CDK15: variants seen among roughly 807,000 people sequenced by gnomAD.
CDK15 encodes cyclin-dependent kinase 15.
CDK15 carries 62 observed loss-of-function variants against 60.3 expected under a neutral mutation model. That is an observed-to-expected ratio of 1.03 (90% CI 0.84 to 1.27). The LOEUF (loss-of-function observed/expected upper bound fraction) is 1.27. Among genes scored for constraint, CDK15 ranks in the 50% most tolerant of loss-of-function variants. CDK15 has a pLI of 0.00. For missense variants in CDK15, 541 were observed against 527.8 expected (o/e 1.03, Z -0.25); for synonymous variants, 194 against 195.7 (o/e 0.99, Z 0.07).
At chr2:201,823,586 C>A in intron 5 of CDK15, 79 bp from the exon 6 acceptor site, 3 of 1,246,610 alleles carry the variant, frequency 2.4e-6, no homozygotes, top group South Asian at 2.4e-5. Context: ...TTCTGACAGT[C>A]AAGTCAATGT....
intron 10 of CDK15, among the ~76,000 whole-genome samples, chr2:201,866,767 A>G (rs1698647716): frequency 6.6e-6 from 1 of 152,206 alleles, no homozygotes; most frequent in East Asian, 1.9e-4. Context: ...GATCACTCAC[A>G]GCTTACCTAC....
chr2:201,878,950 A>G (rs767413819), intron 11 of CDK15, among the ~76,000 whole-genome samples: 4 of 152,202 alleles, frequency 2.6e-5, no homozygotes, highest in African/African-American at 9.6e-5. Context: ...CAGTCAGACC[A>G]TAGGATTCTT....
chr2:201,814,399 T>A (rs1280907085), intron 4 of CDK15, among the ~76,000 whole-genome samples: 2 of 152,220 alleles, frequency 1.3e-5, no homozygotes, highest in African/African-American at 4.8e-5. Flanking sequence ...ACAAGAGGAT[T>A]TCTGACACAT....
At chr2:201,823,852 A>G (rs1221448365) in intron 6 of CDK15, 125 bp downstream of exon 6, 1 of 753,686 alleles carries the variant, frequency 1.3e-6, no homozygotes. Context: ...CTGATATTCC[A>G]GAAAAAAGTT....
At chr2:201,839,810 A>C (rs2105758153) in intron 8 of CDK15, among the ~76,000 whole-genome samples, 1 of 152,306 alleles carries the variant, frequency 6.6e-6, no homozygotes, top group Non-Finnish European at 1.5e-5. Flanking sequence ...AAATTATTTC[A>C]AGATTAAAAG....
chr2:201,853,213 T>C (rs1380945620), intron 9 of CDK15, among the ~76,000 whole-genome samples: 2 of 152,330 alleles, frequency 1.3e-5, no homozygotes, highest in Non-Finnish European at 2.9e-5. Flanking sequence ...GATTCCAGGA[T>C]TCTTAGTGTT....
chr2:201,864,743 C>G (rs1698546889), intron 10 of CDK15, among the ~76,000 whole-genome samples: 1 of 152,162 alleles, frequency 6.6e-6, no homozygotes, highest in South Asian at 2.1e-4. Context: ...GGGGAAGGAA[C>G]AGATTTATAG....
chr2:201,884,405 A>G (rs566270248), intron 12 of CDK15, among the ~76,000 whole-genome samples: 2 of 152,376 alleles, frequency 1.3e-5, no homozygotes, highest in Admixed American at 1.3e-4. Context: ...TTATATACAC[A>G]TAGGGATGGA....
intron 9 of CDK15, among the ~76,000 whole-genome samples, chr2:201,854,098 T>C (rs1698032338): frequency 6.6e-6 from 1 of 151,638 alleles, no homozygotes; most frequent in Non-Finnish European, 1.5e-5. Context: ...GGTGTGAACC[T>C]GGGAGGCAGA....
intron 4 of CDK15, among the ~76,000 whole-genome samples, chr2:201,814,486 A>T (rs748858401): frequency 6.6e-6 from 1 of 152,240 alleles, no homozygotes; most frequent in African/African-American, 2.4e-5. Context: ...AGCCCTTGTT[A>T]AAAGAGCCCT....
rs935251241 is a variant in CDK15 at position 201,882,220 on chromosome 2, A to T, written c.1198+2053A>T. Among the ~76,000 whole-genome samples the T allele has an allele frequency of 2.2e-3, 309 of 142,658 alleles. 3 individuals are homozygous for T. Among genetic ancestry groups the T allele is most frequent in the African/African-American group, 7.8e-3 (290 of 37,026 alleles). The allele number at this position is 142,658 out of a possible 152,430, so 93.6% of individuals were successfully genotyped here. A position where few individuals can be genotyped will look rare whatever the true frequency, so the allele number is the denominator to read the frequency against. The stretch of plus-strand genomic sequence containing the variant: ...GCGTATGTGTGTGTGTGTGTGTGAG[A>T]GAGAGACAGAGAGAACAATCTGTAT... On this transcript the variant is annotated intron_variant, in intron 12 of 13. Coordinates refer to ENST00000652192, the MANE Select transcript of CDK15 (RefSeq NM_001366386.2). The surrounding 1 kb of genome is among the most constrained non-coding windows in gnomAD (Gnocchi z 4.0).
At chr2:201,881,313 CT>C (rs1004860799) in intron 12 of CDK15, among the ~76,000 whole-genome samples, 2 of 152,186 alleles carry the variant, frequency 1.3e-5, no homozygotes, top group Non-Finnish European at 2.9e-5. Context: ...AATCATACAA[CT>C]GGGGTTAATG....
intron 12 of CDK15, 136 bp downstream of exon 12, chr2:201,880,303 A>T: frequency 9.0e-7 from 1 of 1,113,210 alleles, no homozygotes; most frequent in South Asian, 1.6e-5. Flanking sequence ...GTTAGAGATC[A>T]GTTTGCCTGG....
intron 6 of CDK15, among the ~76,000 whole-genome samples, chr2:201,830,300 G>A (rs1263945320): frequency 6.6e-6 from 1 of 152,096 alleles, no homozygotes; most frequent in Non-Finnish European, 1.5e-5. Context: ...CAGCCAGAGG[G>A]GCAGAAGAAA....
At chr2:201,877,575 C>G (rs2105827605) in intron 11 of CDK15, among the ~76,000 whole-genome samples, 1 of 152,306 alleles carries the variant, frequency 6.6e-6, no homozygotes, top group East Asian at 1.9e-4. Context: ...GAGTCTCCTT[C>G]CAGAGAGATC....
At chr2:201,818,931 G>T (rs1352178749) in intron 4 of CDK15, among the ~76,000 whole-genome samples, 1 of 151,670 alleles carries the variant, frequency 6.6e-6, no homozygotes, top group East Asian at 1.9e-4. Context: ...GCCAGACATT[G>T]TTCCAGGCAC....
At chr2:201,860,398 G>A (rs1698339882) in intron 10 of CDK15, among the ~76,000 whole-genome samples, 1 of 152,212 alleles carries the variant, frequency 6.6e-6, no homozygotes, top group Non-Finnish European at 1.5e-5. Flanking sequence ...TGCGTGCAAA[G>A]CATTTTATTC....
rs772845864 is a variant in CDK15 at position 201,890,771 on chromosome 2, T to G, written c.1199-14T>G. ...AAATAACATATTGGTGCTTCTCTCT[T>G]TTCATTCCTACAGAGGAGTCTTTGT... On this transcript the variant is annotated splice_polypyrimidine_tract_variant and intron_variant, in intron 12 of 13. Coordinates refer to ENST00000652192, the MANE Select transcript of CDK15 (RefSeq NM_001366386.2). 6.3e-7 allele frequency: 1 copy of G among 1,584,062 alleles called. No individual in the cohort carries two copies. The highest frequency in any genetic ancestry group is 1.1e-5 in the South Asian group (1 of 88,336).
At chr2:201,892,261 G>A (rs1339372260) in intron 13 of CDK15, among the ~76,000 whole-genome samples, 1 of 152,176 alleles carries the variant, frequency 6.6e-6, no homozygotes, top group Non-Finnish European at 1.5e-5. Context: ...TTTTAAACCT[G>A]CTAGTTATAA....
Sources: gnomAD v4.1 joint callset for allele counts (sites outside exome capture counted in the v4.1 genomes callset) on GRCh38, gnomAD v4.1.1 for gene constraint, Gnocchi (gnomAD v3.1) non-coding constraint, MANE v1.5 for transcripts, NCBI Gene and HGNC (gene_info 2026-07-23, HGNC 2026-07-21) for gene names.